Variants in PLXNA2 observed in about 807,000 individuals in gnomAD.
PLXNA2 encodes the protein plexin A2.
PLXNA2 carries 91 observed loss-of-function variants against 193.5 expected under a neutral mutation model. That is an observed-to-expected ratio of 0.47 (90% CI 0.40 to 0.56). The LOEUF (loss-of-function observed/expected upper bound fraction) is 0.56, where lower values mean the gene tolerates loss of function less well. Ranked by LOEUF, PLXNA2 falls within the 20% of genes least tolerant of loss-of-function variation. PLXNA2 has a pLI of 0.00. For missense variants in PLXNA2, 1,995 were observed against 2,503.2 expected (o/e 0.80, Z 4.33); for synonymous variants, 997 against 1,027.3 (o/e 0.97, Z 0.56).
At chr1:208,031,427 G>C (rs1664499389) in intron 29 of PLXNA2, 163 bp downstream of exon 29, 13 of 1,313,696 alleles carry the variant, frequency 9.9e-6, no homozygotes, top group Non-Finnish European at 1.1e-5. Context: ...GGACCGTGTG[G>C]GCTCTGCAGA....
intron 4 of PLXNA2, among the ~76,000 whole-genome samples, chr1:208,123,832 G>A (rs1350860906): frequency 2.0e-5 from 3 of 152,196 alleles, no homozygotes; most frequent in Admixed American, 6.5e-5. Context: ...TGAAAAGGAC[G>A]CGGCTAGTCA....
At position 208,210,370 on chromosome 1, in the gene PLXNA2, G is replaced by A; in HGVS notation, c.1281C>T (p.Thr427=). The A allele has an allele frequency of 1.9e-6, 3 of 1,614,046 alleles. 1 individual carries two copies. The South Asian group carries it at 3.3e-5, about 18-fold the overall frequency. ...CCACAGAGGTCATGCGGTCCCTGCTGGTGGTGTACAGGGTCAGGCCCTCCA... is the reference window on the plus strand; with the variant it reads ...CCACAGAGGTCATGCGGTCCCTGCTAGTGGTGTACAGGGTCAGGCCCTCCA... The part of the protein sequence containing the change: ...TPVEGLTLYT[T]SRDRMTSVAS... Residue 427 remains threonine (T), a synonymous_variant, in exon 3 of 32, where the codon ACC becomes ACT. Coordinates refer to ENST00000367033, the MANE Select transcript of PLXNA2 (RefSeq NM_025179.4).
chr1:208,172,775 T>C (rs545497896), intron 3 of PLXNA2, among the ~76,000 whole-genome samples: 88 of 152,226 alleles, frequency 5.8e-4, no homozygotes, highest in Non-Finnish European at 2.6e-4. Context: ...CACAAAGCTG[T>C]TTTTTTGTGT....
chr1:208,096,945 C>T lies in PLXNA2; in HGVS notation c.1732-62G>A, dbSNP rs932451933. The T allele has an allele frequency of 6.6e-6, 10 of 1,515,912 alleles. No individual in the cohort carries two copies. The African/African-American group carries it at 1.2e-4, about 19-fold the overall frequency. 93.9% of individuals were successfully genotyped at this position (1,515,912 alleles called of 1,614,324 possible). A position where few individuals can be genotyped will look rare whatever the true frequency, so the allele number is the denominator to read the frequency against. ...CCTCAGGAGACCTGGACTCCAGGTC[C>T]AGCCCTGCTGTGACCCACTTTGCTC... On this transcript the variant is annotated intron_variant, in intron 6 of 31. Transcript: ENST00000367033.
In PLXNA2 at chr1:208,096,051, A is replaced by G. The variant is rs1338457189; in HGVS notation, c.1960T>C (p.Tyr654His). The change falls in exon 8 of 32, where the codon TAC becomes CAC. Residue 654 changes from tyrosine to histidine, a missense_variant. Coordinates refer to ENST00000367033, the MANE Select transcript of PLXNA2 (RefSeq NM_025179.4). ...TACAGTTGGTGGGCACTGCAGTTGT[A>G]AAACTTGAACTCGGTGCTGACAAAT... ...KIFVSTEFKF[Y>H]NCSAHQLCLS... is the part of the protein sequence containing the mutation. The G allele has an allele frequency of 6.2e-7, 1 of 1,613,916 alleles. No individual in the cohort carries two copies. Among genetic ancestry groups the G allele is most frequent in the Admixed American group, 1.7e-5 (1 of 60,024 alleles).
At chr1:208,048,816 C>T (rs558903963) in intron 17 of PLXNA2, among the ~76,000 whole-genome samples, 60 of 152,344 alleles carry the variant, frequency 3.9e-4, no homozygotes, top group African/African-American at 1.4e-3. Flanking sequence ...TTTCTGTATG[C>T]TGATGCTTTG....
intron 1 of PLXNA2, among the ~76,000 whole-genome samples, chr1:208,233,494 G>A (rs1049098415): frequency 1.3e-5 from 2 of 152,206 alleles, no homozygotes; most frequent in East Asian, 1.9e-4. Flanking sequence ...CAAGGAAGCT[G>A]GGGGCCCGCA....
intron 9 of PLXNA2, among the ~76,000 whole-genome samples, chr1:208,086,563 C>A (rs577533772): frequency 6.5e-4 from 99 of 152,180 alleles, no homozygotes; most frequent in Middle Eastern, 3.4e-3. Flanking sequence ...TCTGGACACA[C>A]CGGCAGGCTC....
chr1:208,173,115 A>G (rs1406659400), intron 3 of PLXNA2, among the ~76,000 whole-genome samples: 1 of 152,238 alleles, frequency 6.6e-6, no homozygotes, highest in Non-Finnish European at 1.5e-5. Flanking sequence ...CTCAGCCTCT[A>G]TAAGCCAAAT....
At chr1:208,036,813 G>A (rs1219821528) in intron 26 of PLXNA2, among the ~76,000 whole-genome samples, 1 of 152,174 alleles carries the variant, frequency 6.6e-6, no homozygotes. Flanking sequence ...TCAGCACCAT[G>A]AGAACAAAAT....
rs1664214669 is a variant in PLXNA2, at chr1:208,022,585, TG to T, written c.*4657del. 1 of 152,574 alleles carries T rather than the reference TG, an allele frequency of 6.6e-6. No homozygotes were observed. The highest frequency in any genetic ancestry group is 2.4e-5 in the African/African-American group (1 of 41,430). 9.5% of individuals were successfully genotyped at this position (152,574 alleles called of 1,614,324 possible). A position where few individuals can be genotyped will look rare whatever the true frequency, so the allele number is the denominator to read the frequency against. On this transcript the variant is annotated 3_prime_UTR_variant, in exon 32 of 32. Transcript: ENST00000367033. ...AGGTGGGCTCCGGCCCCTAGTCTCATGGGATAGAGAGCTTGTCCCTTCTGCC... is the reference window on the plus strand; with the variant it reads ...AGGTGGGCTCCGGCCCCTAGTCTCATGGATAGAGAGCTTGTCCCTTCTGCC...
At position 208,023,401 on chromosome 1, in the gene PLXNA2, T is replaced by G. The variant is rs894195097; in HGVS notation, c.*3842A>C. On this transcript the variant is annotated 3_prime_UTR_variant, in exon 32 of 32. Coordinates refer to ENST00000367033, the MANE Select transcript of PLXNA2 (RefSeq NM_025179.4). ...CAGAAGCTTTCAAATGCTCCCTATTTGTTCTGCCCAGGCCATTCTTCGTCC... is the reference window on the plus strand; with the variant it reads ...CAGAAGCTTTCAAATGCTCCCTATTGGTTCTGCCCAGGCCATTCTTCGTCC... 6.5e-6 allele frequency: 1 copy of G among 152,754 alleles called. No homozygotes were observed. The highest frequency in any genetic ancestry group is 1.5e-5 in the Non-Finnish European group (1 of 68,120). The allele number at this position is 152,754 out of a possible 1,614,324, so 9.5% of individuals were successfully genotyped here. A position where few individuals can be genotyped will look rare whatever the true frequency, so the allele number is the denominator to read the frequency against.
intron 6 of PLXNA2, among the ~76,000 whole-genome samples, chr1:208,097,595 C>A (rs976362667): frequency 4.6e-5 from 7 of 152,084 alleles, no homozygotes; most frequent in Non-Finnish European, 7.4e-5. Context: ...ATTTGAAGAC[C>A]CTACTTTTAA....
intron 1 of PLXNA2, among the ~76,000 whole-genome samples, chr1:208,226,277 AC>A (rs1671507567): frequency 6.6e-6 from 1 of 151,226 alleles, no homozygotes; most frequent in African/African-American, 2.4e-5. Flanking sequence ...TCTCACTCCC[AC>A]CCCGGCTCCT....
intron 12 of PLXNA2, among the ~76,000 whole-genome samples, chr1:208,072,823 C>G (rs1666017078): frequency 6.6e-6 from 1 of 152,168 alleles, no homozygotes; most frequent in South Asian, 2.1e-4. Context: ...CTTTAAGGCT[C>G]AGTACAAAGG....
intron 8 of PLXNA2, among the ~76,000 whole-genome samples, chr1:208,093,977 G>A (rs1271380011): frequency 6.6e-6 from 1 of 152,212 alleles, no homozygotes; most frequent in African/African-American, 2.4e-5. Context: ...CATTTGGGTG[G>A]TTGGGGCTTG....
rs11801491 is a variant in PLXNA2, at chr1:208,224,008, G to A, written c.-80-6006C>T. Among the ~76,000 whole-genome samples, 885 of 152,220 alleles carry A rather than the reference G, an allele frequency of 5.8e-3. 8 individuals carry two copies. Among genetic ancestry groups the A allele is most frequent in the African/African-American group, 0.019 (795 of 41,522 alleles). On this transcript the variant is annotated intron_variant, in intron 1 of 31. Transcript: ENST00000367033. ...GAGTCTGAGGCCCCATCTTTTCCCC[G>A]TGGGTGGAATGCTACTGAAGGACCT... is the stretch of plus-strand genomic sequence containing the variant.
intron 3 of PLXNA2, among the ~76,000 whole-genome samples, chr1:208,177,174 G>A (rs776993122): frequency 1.3e-5 from 2 of 152,128 alleles, no homozygotes; most frequent in Non-Finnish European, 2.9e-5. Flanking sequence ...ACAAGGAAAG[G>A]CTGTAACTGT....
intron 4 of PLXNA2, among the ~76,000 whole-genome samples, chr1:208,105,131 C>T (rs566818728): frequency 2.6e-4 from 40 of 152,302 alleles, no homozygotes; most frequent in East Asian, 2.3e-3. Flanking sequence ...CTAGGAGAGG[C>T]GTTGCTCAAC....
Sources: allele counts gnomAD v4.1 joint callset (sites outside exome capture counted in the v4.1 genomes callset), GRCh38; gene constraint gnomAD v4.1.1; transcripts MANE v1.5; gene names NCBI Gene and HGNC (gene_info 2026-07-23, HGNC 2026-07-21).